The following CDH11 variants were observed in gnomAD, a reference collection of about 807,000 sequenced individuals.
The protein encoded by CDH11 is cadherin 11.
Under a neutral mutation model 67.8 loss-of-function variants are expected in CDH11, and 11 were observed. The observed-to-expected ratio is 0.16, with a 90% CI of 0.10 to 0.27. CDH11 has a LOEUF of 0.27. Among genes scored for constraint, CDH11 ranks in the 10% least tolerant of loss-of-function variants. The pLI is 1.00. For synonymous variants in CDH11, 419 were observed against 400.0 expected (o/e 1.05, Z -0.57); for missense variants, 847 against 1,031.2 (o/e 0.82, Z 2.45).
At chr16:65,077,856 G>A (rs998737961) in intron 1 of CDH11, among the ~76,000 whole-genome samples, 2 of 152,200 alleles carry the variant, frequency 1.3e-5, no homozygotes, top group African/African-American at 4.8e-5. Context: ...CAAAGATAAA[G>A]AAGACTCTTC....
chr16:64,951,002 C>A lies in CDH11; in HGVS notation c.1659G>T (p.Val553=), dbSNP rs373589644. The A allele has an allele frequency of 1.3e-5, 21 of 1,613,764 alleles. No individual in the cohort carries two copies. Among genetic ancestry groups the A allele is most frequent in the Non-Finnish European group, 1.8e-5 (21 of 1,179,922 alleles). Residue 553 remains valine (V), a synonymous_variant, in exon 12 of 13, where the codon GTG becomes GTT. Transcript: ENST00000268603. ...VRDNRDNTAG[V]YARRGGFSRQ... ...GACTGAACCCTCCACGCCGGGCGTACACGCCTGCTGTGTTATCTGCAGAAA... is the reference window on the plus strand; with the variant it reads ...GACTGAACCCTCCACGCCGGGCGTAAACGCCTGCTGTGTTATCTGCAGAAA...
intron 7 of CDH11, chr16:64,985,355 A>C (rs112018708): frequency 2.6e-5 from 4 of 152,118 alleles, no homozygotes; most frequent in African/African-American, 9.6e-5. Context: ...ACCTTCTTCA[A>C]TTCTTTGTAA....
chr16:65,051,384 C>T (rs1391146961), intron 2 of CDH11, among the ~76,000 whole-genome samples: 4 of 152,076 alleles, frequency 2.6e-5, no homozygotes, highest in Admixed American at 1.3e-4. Flanking sequence ...AAGCCCCTGG[C>T]CTTATGTGGA....
chr16:65,038,228 G>A (rs545822768), intron 2 of CDH11, among the ~76,000 whole-genome samples: 1 of 152,202 alleles, frequency 6.6e-6, no homozygotes, highest in Admixed American at 6.5e-5. Flanking sequence ...CAGAGCTTTT[G>A]TTTTGATCTC....
At chr16:65,060,542 A>G (rs900888545) in intron 1 of CDH11, among the ~76,000 whole-genome samples, 2 of 152,150 alleles carry the variant, frequency 1.3e-5, no homozygotes, top group Non-Finnish European at 2.9e-5. Flanking sequence ...ATGCTGCAGG[A>G]AAGTTTTAAG....
intron 2 of CDH11, among the ~76,000 whole-genome samples, chr16:65,011,302 A>T (rs2073180308): frequency 6.6e-6 from 1 of 152,082 alleles, no homozygotes; most frequent in Non-Finnish European, 1.5e-5. Context: ...AATGTCTGAA[A>T]GTCCAGGTCC....
At chr16:65,014,134 G>A (rs1045942381) in intron 2 of CDH11, among the ~76,000 whole-genome samples, 2 of 152,246 alleles carry the variant, frequency 1.3e-5, no homozygotes, top group East Asian at 1.9e-4. Flanking sequence ...TAAGCCTCAC[G>A]AAGGGGCTCT....
intron 4 of CDH11, among the ~76,000 whole-genome samples, chr16:64,996,744 A>G (rs1315268900): frequency 6.6e-6 from 1 of 152,100 alleles, no homozygotes; most frequent in Non-Finnish European, 1.5e-5. Flanking sequence ...TTGCATCAAC[A>G]CGGATGCAGC....
At chr16:64,975,178 C>A (rs1338309188) in intron 8 of CDH11, among the ~76,000 whole-genome samples, 1 of 152,126 alleles carries the variant, frequency 6.6e-6, no homozygotes, top group Non-Finnish European at 1.5e-5. Flanking sequence ...GTTTAAGATA[C>A]ATAATTTAGT....
At chr16:65,075,798 G>A (rs2074498639) in intron 1 of CDH11, among the ~76,000 whole-genome samples, 1 of 152,162 alleles carries the variant, frequency 6.6e-6, no homozygotes, top group Admixed American at 6.5e-5. Flanking sequence ...ATAGCTGTGT[G>A]ACCTCAGGGA....
intron 1 of CDH11, among the ~76,000 whole-genome samples, chr16:65,088,746 C>T (rs995471813): frequency 2.0e-5 from 3 of 152,184 alleles, no homozygotes; most frequent in South Asian, 4.1e-4. Flanking sequence ...TTCTATCTTG[C>T]GTGTTTCAGT....
intron 1 of CDH11, among the ~76,000 whole-genome samples, chr16:65,088,051 T>A (rs2074732311): frequency 6.6e-6 from 1 of 152,178 alleles, no homozygotes; most frequent in Admixed American, 6.5e-5. Flanking sequence ...ATGATGGTAT[T>A]AGAGATGGAG....
chr16:65,063,700 C>T (rs931660006), intron 1 of CDH11, among the ~76,000 whole-genome samples: 3 of 151,836 alleles, frequency 2.0e-5, no homozygotes, highest in Admixed American at 6.6e-5. Context: ...TGTGTCAGTA[C>T]ACACACACAC....
upstream of CDH11, among the ~76,000 whole-genome samples, chr16:65,122,620 A>G (rs1193721559): frequency 6.6e-6 from 1 of 151,982 alleles, no homozygotes; most frequent in Non-Finnish European, 1.5e-5. Flanking sequence ...AAATCCCTCA[A>G]CGTTGGCGGC....
intron 1 of CDH11, among the ~76,000 whole-genome samples, chr16:65,091,685 G>A (rs1240448062): frequency 2.6e-5 from 4 of 151,694 alleles, no homozygotes; most frequent in African/African-American, 9.7e-5. Flanking sequence ...CCGAGTAGCT[G>A]AGACTACAGG....
intron 1 of CDH11, 120 bp from the exon 2 acceptor site, chr16:65,054,048 G>A: frequency 2.8e-6 from 1 of 362,302 alleles, no homozygotes; most frequent in South Asian, 2.1e-5. Context: ...ATCCAGGTGT[G>A]CAAAGAGAGA....
chr16:65,052,658 G>C lies in CDH11; in HGVS notation c.-173+1146C>G, dbSNP rs942777694. Among the ~76,000 whole-genome samples the C allele has an allele frequency of 6.6e-5, 10 of 152,264 alleles. No homozygotes were observed. The South Asian group carries it at 1.5e-3, about 22-fold the overall frequency. On this transcript the variant is annotated intron_variant, in intron 2 of 12. Transcript: ENST00000268603. ...TATCTCTATCATTGAAAGGAAATAA[G>C]TGGGAAAGTACAATATGTACGGATT...
At chr16:65,077,892 T>A (rs2074541641) in intron 1 of CDH11, among the ~76,000 whole-genome samples, 1 of 152,234 alleles carries the variant, frequency 6.6e-6, no homozygotes, top group African/African-American at 2.4e-5. Context: ...TCAATTAATG[T>A]TAGCCAGAAA....
chr16:65,061,200 A>C (rs2142740745), intron 1 of CDH11, among the ~76,000 whole-genome samples: 1 of 152,382 alleles, frequency 6.6e-6, no homozygotes, highest in Admixed American at 6.5e-5. Context: ...ATTTGAGGAC[A>C]GAAATCACAT....
Sources: allele counts gnomAD v4.1 joint callset (sites outside exome capture counted in the v4.1 genomes callset), GRCh38; gene constraint gnomAD v4.1.1; transcripts MANE v1.5; gene names NCBI Gene and HGNC (gene_info 2026-07-23, HGNC 2026-07-21).